MPRIP: variants seen among roughly 807,000 people sequenced by gnomAD.
MPRIP encodes the protein myosin phosphatase Rho-interacting protein.
Under a neutral mutation model 234.9 loss-of-function variants are expected in MPRIP, and 59 were observed. The observed-to-expected ratio is 0.25, with a 90% CI of 0.20 to 0.31. The LOEUF (loss-of-function observed/expected upper bound fraction) is 0.31, where lower values mean the gene tolerates loss of function less well. Among genes scored for constraint, MPRIP ranks in the 10% least tolerant of loss-of-function variants. The probability of loss-of-function intolerance (pLI) is 1.00; values close to 1 mark genes in which losing one functional copy is unlikely to be tolerated. For missense variants in MPRIP, 2,436 were observed against 3,071.0 expected (o/e 0.79, Z 4.89); for synonymous variants, 1,144 against 1,263.9 (o/e 0.91, Z 2.01).
intron 1 of MPRIP, among the ~76,000 whole-genome samples, chr17:17,052,438 CATT>C (rs1174748131): frequency 6.6e-6 from 1 of 152,172 alleles, no homozygotes; most frequent in East Asian, 1.9e-4. Flanking sequence ...CTTTCCCCCA[CATT>C]ATGCAGGTGA....
chr17:17,137,726 C>T (rs979961205), intron 6 of MPRIP, among the ~76,000 whole-genome samples, 190 bp from the exon 7 acceptor site: 1 of 152,140 alleles, frequency 6.6e-6, no homozygotes, highest in East Asian at 1.9e-4. Context: ...AAAGCATGCA[C>T]GAAATATTTC....
At chr17:17,103,334 A>C (rs927902211) in intron 3 of MPRIP, among the ~76,000 whole-genome samples, 7 of 152,218 alleles carry the variant, frequency 4.6e-5, no homozygotes, top group Non-Finnish European at 5.9e-5. Flanking sequence ...CCCCATCAGC[A>C]CTGCTGGGAA....
chr17:17,104,465 G>T (rs2090023977), intron 3 of MPRIP, among the ~76,000 whole-genome samples: 1 of 152,174 alleles, frequency 6.6e-6, no homozygotes, highest in African/African-American at 2.4e-5. Context: ...GGTGGGCAAG[G>T]ATTGTTCCTG....
rs56270914 is a variant in MPRIP at position 17,192,427 on chromosome 17, T to TTG, written c.*7533_*7534insTG. The TTG allele has an allele frequency of 0.015, 71 of 4,822 alleles. 14 individuals are homozygous for TTG. The highest frequency in any genetic ancestry group is 0.017 in the South Asian group (1 of 58). 0.3% of individuals were successfully genotyped at this position (4,822 alleles called of 1,614,324 possible). On this transcript the variant is annotated 3_prime_UTR_variant, in exon 24 of 24. Transcript: ENST00000651222. ...ACCAGCTGAGCTGCTGCTTTTTTTT[T>TTG]GGGGGGGGGGGGGGGAGGGGCGTCT...
chr17:17,173,688 C>T (rs907371544), intron 18 of MPRIP: 7 of 678,604 alleles, frequency 1.0e-5, no homozygotes, highest in Non-Finnish European at 1.9e-5. Context: ...CTGGCATCCC[C>T]AGAGAAGTGC....
chr17:17,156,065 G>A (rs1029312052), intron 13 of MPRIP, among the ~76,000 whole-genome samples: 1 of 152,234 alleles, frequency 6.6e-6, no homozygotes, highest in Non-Finnish European at 1.5e-5. Flanking sequence ...AGTGCATATG[G>A]GTAGCTGGCC....
At position 17,143,656 on chromosome 17, in the gene MPRIP, A is replaced by G; in HGVS notation, c.1490A>G (p.Glu497Gly). Residue 497 changes from glutamate to glycine, a missense_variant, in exon 9 of 24, where the codon GAG (glutamate) becomes GGG (glycine). Glu to Gly is a moderately conservative substitution (Grantham distance 98). Transcript: ENST00000651222. ...RAKSLDRRST[E>G]PSVTPDLLNF... ...AAGTCACTGGACAGGAGGTCCACGG[A>G]GCCCTCCGTGACGGTGAGCCCAGGC... 1 of 1,604,148 alleles carries G rather than the reference A, an allele frequency of 6.2e-7. No individual in the cohort carries two copies. Among genetic ancestry groups the G allele is most frequent in the Non-Finnish European group, 8.5e-7 (1 of 1,175,472 alleles).
chr17:17,180,641 A>G (rs1161994361), intron 23 of MPRIP: 1 of 1,613,890 alleles, frequency 6.2e-7, no homozygotes, highest in Non-Finnish European at 8.5e-7. Flanking sequence ...GATACCTGAA[A>G]TGCACCCGCT....
rs1200787933 is a variant in MPRIP at position 17,171,898 on chromosome 17, G to A, written c.6472+33G>A. The A allele has an allele frequency of 1.9e-6, 3 of 1,587,366 alleles. No individual in the cohort carries two copies. The African/African-American group carries it at 4.1e-5, about 22-fold the overall frequency. ...GGTGGGGTAACCCTGAGGGCAGGGTGGGTGGCCAGCTTTTTTTGAGCTAGA... is the reference window on the plus strand; with the variant it reads ...GGTGGGGTAACCCTGAGGGCAGGGTAGGTGGCCAGCTTTTTTTGAGCTAGA... On this transcript the variant is annotated intron_variant, in intron 17 of 23. Transcript: ENST00000651222.
At chr17:17,043,874 C>T (rs971916138) in intron 1 of MPRIP, among the ~76,000 whole-genome samples, 1 of 152,206 alleles carries the variant, frequency 6.6e-6, no homozygotes, top group East Asian at 1.9e-4. Context: ...TCATCTCCAT[C>T]CTCTTCAGAG....
At chr17:17,075,167 T>C (rs1052169268) in intron 1 of MPRIP, among the ~76,000 whole-genome samples, 11 of 152,182 alleles carry the variant, frequency 7.2e-5, no homozygotes, top group Admixed American at 4.6e-4. Flanking sequence ...TAGGTAGAAT[T>C]GTCATCACTC....
chr17:17,120,409 C>T (rs944323211), intron 3 of MPRIP, among the ~76,000 whole-genome samples: 8 of 152,158 alleles, frequency 5.3e-5, no homozygotes, highest in African/African-American at 1.9e-4. Flanking sequence ...TGGCCTCTGA[C>T]AAGATGCCCT....
At chr17:17,055,577 C>T (rs2088668738) in intron 1 of MPRIP, among the ~76,000 whole-genome samples, 1 of 152,138 alleles carries the variant, frequency 6.6e-6, no homozygotes, top group Non-Finnish European at 1.5e-5. Context: ...GCTGAGGGGA[C>T]CCTTCTATGA....
intron 3 of MPRIP, among the ~76,000 whole-genome samples, chr17:17,113,151 TC>T (rs1302870475): frequency 6.6e-6 from 1 of 152,132 alleles, no homozygotes. Flanking sequence ...AGTCTCTTCT[TC>T]CACTGATTGG....
intron 1 of MPRIP, among the ~76,000 whole-genome samples, chr17:17,069,696 C>CT (rs1427499516): frequency 2.0e-5 from 3 of 151,958 alleles, no homozygotes; most frequent in Non-Finnish European, 4.4e-5. Flanking sequence ...CTGTTCACTC[C>CT]TTTACCTTTT....
At chr17:17,066,234 A>G (rs1484628274) in intron 1 of MPRIP, among the ~76,000 whole-genome samples, 1 of 152,242 alleles carries the variant, frequency 6.6e-6, no homozygotes, top group Non-Finnish European at 1.5e-5. Flanking sequence ...GAAAGCAATC[A>G]GCATTTCCCC....
intron 9 of MPRIP, among the ~76,000 whole-genome samples, chr17:17,144,075 G>A (rs1244217710): frequency 6.6e-6 from 1 of 152,244 alleles, no homozygotes; most frequent in Admixed American, 6.5e-5. Flanking sequence ...TGCCTCAAGT[G>A]GAAGAGCAGG....
chr17:17,058,635 C>T (rs1356406035), intron 1 of MPRIP, among the ~76,000 whole-genome samples: 1 of 152,156 alleles, frequency 6.6e-6, no homozygotes, highest in Non-Finnish European at 1.5e-5. Flanking sequence ...TCCTCCTGGC[C>T]TCCTCACCAA....
intron 22 of MPRIP, among the ~76,000 whole-genome samples, chr17:17,179,761 G>T (rs1310395516): frequency 6.6e-6 from 1 of 152,216 alleles, no homozygotes; most frequent in Non-Finnish European, 1.5e-5. Flanking sequence ...CAGTCACAGT[G>T]CAGGAAGCCC....
Sources: gnomAD v4.1 joint callset for allele counts (sites outside exome capture counted in the v4.1 genomes callset) on GRCh38, gnomAD v4.1.1 for gene constraint, MANE v1.5 for transcripts, NCBI Gene and HGNC (gene_info 2026-07-23, HGNC 2026-07-21) for gene names.